The following CSMD3 variants were observed in gnomAD, a reference collection of about 807,000 sequenced individuals.
CSMD3 encodes CUB and Sushi multiple domains 3.
A neutral mutation model predicts 435.2 loss-of-function variants in CSMD3; 177 were observed. The ratio of observed to expected loss-of-function variants is 0.41; its 90% CI spans 0.36 to 0.46. CSMD3 has a LOEUF of 0.46. Ranked by LOEUF, CSMD3 falls within the 20% of genes least tolerant of loss-of-function variation. CSMD3 has a pLI of 0.34. For missense variants in CSMD3, 4,265 were observed against 4,504.6 expected, an observed-to-expected ratio of 0.95 and a Z score of 1.52; for synonymous variants, 1,656 against 1,520.5, an observed-to-expected ratio of 1.09 and a Z score of -2.07.
intron 16 of CSMD3, among the ~76,000 whole-genome samples, chr8:112,677,037 T>A (rs1033486201): frequency 6.6e-6 from 1 of 152,128 alleles, no homozygotes; most frequent in Admixed American, 6.6e-5. Flanking sequence ...AAGAATTTAT[T>A]CACCAAGCTT....
In CSMD3 at chr8:112,954,770, G is replaced by C. The variant is rs978078180; in HGVS notation, c.1343-9C>G. ...ATCTATGGCCTTTTTCACTAGTTAA[G>C]AAAACAAACAAAAACATGTATCAGG... On this transcript the variant is annotated splice_polypyrimidine_tract_variant and intron_variant, in intron 7 of 70. Coordinates refer to ENST00000297405, the MANE Select transcript of CSMD3 (RefSeq NM_198123.2). 5 of 1,443,920 alleles carry C rather than the reference G, an allele frequency of 3.5e-6. No homozygotes were observed. The African/African-American group carries it at 7.0e-5, about 20-fold the overall frequency. The allele number at this position is 1,443,920 out of a possible 1,614,324, so 89.4% of individuals were successfully genotyped here. A position where few individuals can be genotyped will look rare whatever the true frequency, so the allele number is the denominator to read the frequency against.
At chr8:112,471,875 T>C (rs1306994568) in intron 32 of CSMD3, among the ~76,000 whole-genome samples, 1 of 152,162 alleles carries the variant, frequency 6.6e-6, no homozygotes, top group East Asian at 1.9e-4. Flanking sequence ...CTCTCACACT[T>C]TACTGCTCTC....
At chr8:113,298,358 G>C (rs1478979937) in intron 2 of CSMD3, among the ~76,000 whole-genome samples, 5 of 151,916 alleles carry the variant, frequency 3.3e-5, no homozygotes, top group Non-Finnish European at 5.9e-5. Context: ...TATGATAATA[G>C]TGGGATTCAT....
chr8:113,058,299 T>C (rs983554470), intron 5 of CSMD3, among the ~76,000 whole-genome samples: 1 of 151,964 alleles, frequency 6.6e-6, no homozygotes, highest in Non-Finnish European at 1.5e-5. Context: ...GTATTGTGGG[T>C]TGAAGTAGAA....
chr8:113,285,261 CTTTTTT>C (rs11420062), intron 2 of CSMD3, among the ~76,000 whole-genome samples: 3 of 128,180 alleles, frequency 2.3e-5, no homozygotes, highest in Non-Finnish European at 4.8e-5. Flanking sequence ...TTGGTGACAG[CTTTTTT>C]TTTTTTTTTT....
At chr8:113,100,044 A>G (rs1185299528) in intron 4 of CSMD3, among the ~76,000 whole-genome samples, 2 of 152,118 alleles carry the variant, frequency 1.3e-5, no homozygotes, top group Non-Finnish European at 2.9e-5. Flanking sequence ...ATTCAATTCC[A>G]TGATGGGTAG....
At chr8:112,822,617 C>T (rs1469807158) in intron 12 of CSMD3, among the ~76,000 whole-genome samples, 1 of 151,860 alleles carries the variant, frequency 6.6e-6, no homozygotes, top group Non-Finnish European at 1.5e-5. Flanking sequence ...GACTTACTCT[C>T]TTTATTTATT....
intron 13 of CSMD3, among the ~76,000 whole-genome samples, chr8:112,729,961 A>G (rs1178713825): frequency 6.6e-6 from 1 of 152,132 alleles, no homozygotes; most frequent in Non-Finnish European, 1.5e-5. Context: ...CTAAGAAACT[A>G]GTGTACTTAG....
intron 1 of CSMD3, among the ~76,000 whole-genome samples, chr8:113,350,211 C>G (rs1033844251): frequency 4.6e-5 from 7 of 152,062 alleles, no homozygotes; most frequent in Admixed American, 2.6e-4. Context: ...CAGCTAAGCC[C>G]AGACAGCCCA....
chr8:113,351,372 A>G (rs982350854), intron 1 of CSMD3, among the ~76,000 whole-genome samples: 1 of 152,156 alleles, frequency 6.6e-6, no homozygotes, highest in Non-Finnish European at 1.5e-5. Context: ...GCGATTACAA[A>G]TATGTACAAT....
At chr8:112,366,683 C>A (rs1394069248) in intron 38 of CSMD3, among the ~76,000 whole-genome samples, 1 of 152,168 alleles carries the variant, frequency 6.6e-6, no homozygotes, top group East Asian at 1.9e-4. Flanking sequence ...CAGGTGTGAG[C>A]CACCACACCC....
chr8:113,113,875 C>T (rs538260446), intron 4 of CSMD3, among the ~76,000 whole-genome samples: 1 of 152,218 alleles, frequency 6.6e-6, no homozygotes, highest in Non-Finnish European at 1.5e-5. Flanking sequence ...AGTTAAGATG[C>T]TTTTTGAATA....
intron 6 of CSMD3, among the ~76,000 whole-genome samples, chr8:113,003,256 T>A (rs1239722041): frequency 1.3e-5 from 2 of 151,348 alleles, no homozygotes; most frequent in African/African-American, 2.4e-5. Flanking sequence ...AAAAAATAAA[T>A]AAATAAATAG....
At chr8:113,412,829 C>T (rs1207827369) in intron 1 of CSMD3, among the ~76,000 whole-genome samples, 1 of 151,916 alleles carries the variant, frequency 6.6e-6, no homozygotes, top group Non-Finnish European at 1.5e-5. Context: ...CAAACCAAAG[C>T]ACGGATGCAT....
In CSMD3 at chr8:113,173,792, G is replaced by A. The variant is rs758064121; in HGVS notation, c.639C>T (p.His213=). 1 of 1,613,756 alleles carries A rather than the reference G, an allele frequency of 6.2e-7. No homozygotes were observed. The highest frequency in any genetic ancestry group is 8.5e-7 in the Non-Finnish European group (1 of 1,179,716). The part of the protein sequence containing the change: ...SCVTGYILDG[H]PQLTCIANSV... ...AATTGGCTATGCAGGTGAGCTGAGG[G>A]TGGCCATCAAGGATGTATCCAGTTA... The change falls in exon 4 of 71, where the codon CAC becomes CAT. Residue 213 remains histidine (H), a synonymous_variant. Coordinates refer to ENST00000297405, the MANE Select transcript of CSMD3 (RefSeq NM_198123.2).
intron 12 of CSMD3, among the ~76,000 whole-genome samples, chr8:112,821,703 T>C (rs2079534970): frequency 6.6e-6 from 1 of 152,214 alleles, no homozygotes; most frequent in Non-Finnish European, 1.5e-5. Context: ...CTTTTGGTGT[T>C]TTTGTCATGA....
At chr8:112,425,146 C>T (rs903654902) in intron 32 of CSMD3, among the ~76,000 whole-genome samples, 3 of 152,108 alleles carry the variant, frequency 2.0e-5, no homozygotes, top group Non-Finnish European at 4.4e-5. Flanking sequence ...AATCAAAAAG[C>T]CTCATGTAAA....
chr8:113,372,992 G>GC (rs1198415566), intron 1 of CSMD3, among the ~76,000 whole-genome samples: 1 of 150,412 alleles, frequency 6.6e-6, no homozygotes, highest in East Asian at 1.9e-4. Context: ...TTTTTAAAAA[G>GC]TAAAAAATTT....
chr8:112,498,588 A>T (rs1184474113), intron 30 of CSMD3, among the ~76,000 whole-genome samples: 1 of 152,132 alleles, frequency 6.6e-6, no homozygotes, highest in Non-Finnish European at 1.5e-5. Flanking sequence ...ACCATCTACC[A>T]TTGGATTGCT....
Sources: allele counts gnomAD v4.1 joint callset (sites outside exome capture counted in the v4.1 genomes callset), GRCh38; gene constraint gnomAD v4.1.1; transcripts MANE v1.5; gene names NCBI Gene and HGNC (gene_info 2026-07-23, HGNC 2026-07-21).